SMG6: variants seen among roughly 807,000 people sequenced by gnomAD.
The protein encoded by SMG6 is telomerase-binding protein EST1A.
In SMG6, 66 loss-of-function variants were observed where a neutral mutation model predicts 142.2. The ratio of observed to expected loss-of-function variants is 0.46; its 90% CI spans 0.38 to 0.57. SMG6 has a LOEUF of 0.57. SMG6 is among the 20% of genes least tolerant of loss of function. SMG6 has a pLI of 0.00. For synonymous variants in SMG6, 779 were observed against 702.4 expected, an observed-to-expected ratio of 1.11 and a Z score of -1.72; for missense variants, 1,793 against 1,832.0, an observed-to-expected ratio of 0.98 and a Z score of 0.39.
At chr17:2,161,796 C>A (rs1290345084) in intron 13 of SMG6, among the ~76,000 whole-genome samples, 1 of 151,914 alleles carries the variant, frequency 6.6e-6, no homozygotes, top group Non-Finnish European at 1.5e-5. Context: ...CAGGGCATTC[C>A]AAGATTTGAA....
Position 2,176,212 on chromosome 17 carries a change from G to A in SMG6, c.3156-3353C>T, listed in dbSNP as rs2071648700. 2.0e-5 allele frequency among the ~76,000 whole-genome samples: 3 copies of A among 152,208 alleles called. No homozygotes were observed. The South Asian group carries it at 6.2e-4, about 32-fold the overall frequency. ...CACATAGGATTTCCTGTCTGTAGAA[G>A]GAGAAAAGCTTAGCTTTTTCCTGCT... On this transcript the variant is annotated intron_variant, in intron 12 of 18. Transcript: ENST00000263073.
intron 12 of SMG6, among the ~76,000 whole-genome samples, chr17:2,183,833 G>A (rs1344126128): frequency 2.6e-5 from 4 of 150,966 alleles, no homozygotes; most frequent in Admixed American, 6.6e-5. Context: ...AAAGACAGAG[G>A]CAGGCAGGCA....
At chr17:2,237,957 G>A (rs1027240703) in intron 9 of SMG6, among the ~76,000 whole-genome samples, 1 of 152,190 alleles carries the variant, frequency 6.6e-6, no homozygotes, top group African/African-American at 2.4e-5. Context: ...TGGGGTTGGG[G>A]AAACAGCTCC....
intron 10 of SMG6, among the ~76,000 whole-genome samples, chr17:2,189,319 T>C (rs1180443420): frequency 6.6e-6 from 1 of 152,190 alleles, no homozygotes; most frequent in African/African-American, 2.4e-5. Context: ...GTGGGAGCTA[T>C]GTGGCATACT....
At chr17:2,156,717 C>T (rs978802030) in intron 13 of SMG6, among the ~76,000 whole-genome samples, 14 of 152,266 alleles carry the variant, frequency 9.2e-5, no homozygotes, top group African/African-American at 2.6e-4. Context: ...TGCAGTGGCA[C>T]GATCACTGCT....
chr17:2,230,595 G>A (rs2073461287), intron 10 of SMG6, among the ~76,000 whole-genome samples: 1 of 152,080 alleles, frequency 6.6e-6, no homozygotes. Context: ...CTGAAAACAA[G>A]GACCCTGGAA....
chr17:2,115,986 T>A (rs551966538), intron 13 of SMG6, among the ~76,000 whole-genome samples: 2 of 152,230 alleles, frequency 1.3e-5, no homozygotes, highest in Admixed American at 1.3e-4. Context: ...GAATTACAGG[T>A]GTGAGTCACT....
chr17:2,226,309 G>A (rs956680227), intron 10 of SMG6, among the ~76,000 whole-genome samples: 2 of 151,534 alleles, frequency 1.3e-5, no homozygotes, highest in South Asian at 4.2e-4. Context: ...AAAGAGCCGG[G>A]CGTAGTGGCT....
intron 4 of SMG6, among the ~76,000 whole-genome samples, chr17:2,294,628 C>T (rs1420472764): frequency 6.6e-6 from 1 of 152,158 alleles, no homozygotes; most frequent in Non-Finnish European, 1.5e-5. Context: ...AAGCTTTCGG[C>T]CTTCAGCGTT....
chr17:2,289,078 CA>C (rs34494754), intron 6 of SMG6, among the ~76,000 whole-genome samples: 59,215 of 87,944 alleles, frequency 0.67, 18,328 homozygotes, highest in Middle Eastern at 0.76. Flanking sequence ...GACTCTGTCT[CA>C]AAAAAAAAAA....
intron 8 of SMG6, among the ~76,000 whole-genome samples, chr17:2,261,888 C>T (rs1327439009): frequency 6.6e-6 from 1 of 152,124 alleles, no homozygotes; most frequent in Non-Finnish European, 1.5e-5. Context: ...ATTTCAAAAG[C>T]CATAGAGTTT....
rs765165429 is a variant in SMG6, at chr17:2,299,232, G to A, written c.1521C>T (p.Pro507=). 6.2e-7 allele frequency: 1 copy of A among 1,614,044 alleles called. No individual in the cohort carries two copies. Among genetic ancestry groups the A allele is most frequent in the Non-Finnish European group, 8.5e-7 (1 of 1,180,000 alleles). ...GGCCTGGTGTCCGGGGGTAATAATA[G>A]GGGTTGTCAGAGTTTTGAAACTTAT... ...SYYKFQNSDN[P]YYYPRTPGPA... Residue 507 remains proline, a synonymous_variant, in exon 2 of 19, where the codon CCC becomes CCT. Transcript: ENST00000263073. This position sits in a 1 kb window ranked among gnomAD's most constrained non-coding sequence, Gnocchi z 4.3.
At chr17:2,110,969 C>T (rs1419641145) in intron 13 of SMG6, among the ~76,000 whole-genome samples, 5 of 152,168 alleles carry the variant, frequency 3.3e-5, no homozygotes, top group African/African-American at 4.8e-5. Context: ...ATCTGAAGGC[C>T]GCTACGCCCA....
chr17:2,292,062 A>G (rs2075050442), intron 6 of SMG6, among the ~76,000 whole-genome samples: 1 of 152,166 alleles, frequency 6.6e-6, no homozygotes, highest in East Asian at 1.9e-4. Context: ...AGGGAGGTAC[A>G]ACCTGCTGCT....
intron 8 of SMG6, among the ~76,000 whole-genome samples, chr17:2,282,138 G>A (rs1375917728): frequency 6.6e-6 from 1 of 152,126 alleles, no homozygotes; most frequent in East Asian, 1.9e-4. Context: ...CTGAGTCAAT[G>A]AAGAGGAGAA....
chr17:2,082,039 T>C, intron 14 of SMG6, 83 bp from the exon 15 acceptor site: 5 of 1,482,954 alleles, frequency 3.4e-6, no homozygotes, highest in Non-Finnish European at 3.7e-6. Context: ...ATTGCCCTTG[T>C]GGCCCCTCAC....
intron 13 of SMG6, among the ~76,000 whole-genome samples, chr17:2,154,592 C>G (rs562425354): frequency 2.4e-4 from 36 of 152,244 alleles, no homozygotes; most frequent in African/African-American, 8.7e-4. Flanking sequence ...AGGCAGAGGT[C>G]TCTGTTTCTC....
intron 8 of SMG6, among the ~76,000 whole-genome samples, chr17:2,258,702 T>C (rs1365111801): frequency 6.7e-6 from 1 of 149,514 alleles, no homozygotes; most frequent in Non-Finnish European, 1.5e-5. Context: ...ATGGGCTGAG[T>C]TGGGAGGATT....
chr17:2,092,776 AGCCTGG>A (rs1286161450), intron 13 of SMG6, among the ~76,000 whole-genome samples: 1 of 152,274 alleles, frequency 6.6e-6, no homozygotes, highest in Non-Finnish European at 1.5e-5. Flanking sequence ...GTTGGACAAG[AGCCTGG>A]GCTTCATAGT....
Sources: gnomAD v4.1 joint callset for allele counts (sites outside exome capture counted in the v4.1 genomes callset) on GRCh38, gnomAD v4.1.1 for gene constraint, Gnocchi (gnomAD v3.1) non-coding constraint, MANE v1.5 for transcripts, NCBI Gene and HGNC (gene_info 2026-07-23, HGNC 2026-07-21) for gene names.